Variants in LRMDA observed in about 807,000 individuals in gnomAD.
LRMDA encodes the protein leucine-rich melanocyte differentiation-associated protein.
A neutral mutation model predicts 29.8 loss-of-function variants in LRMDA; 18 were observed. The observed-to-expected ratio is 0.60, with a 90% CI of 0.42 to 0.90. The LOEUF is 0.90. Ranked by LOEUF, LRMDA falls within the 40% of genes least tolerant of loss-of-function variation. The pLI, the probability that LRMDA is intolerant of heterozygous loss-of-function variation, is 0.00. For synonymous variants in LRMDA, 125 were observed against 109.4 expected, an observed-to-expected ratio of 1.14 and a Z score of -0.89; for missense variants, 273 against 273.9, an observed-to-expected ratio of 1.00 and a Z score of 0.02.
At chr10:76,437,080 G>A (rs1842252340) in intron 6 of LRMDA, among the ~76,000 whole-genome samples, 1 of 152,056 alleles carries the variant, frequency 6.6e-6, no homozygotes, top group African/African-American at 2.4e-5. Flanking sequence ...CATAGCAATG[G>A]GCTCATTGCT....
At chr10:75,852,133 C>T (rs1406326733) in intron 2 of LRMDA, among the ~76,000 whole-genome samples, 1 of 152,216 alleles carries the variant, frequency 6.6e-6, no homozygotes, top group Non-Finnish European at 1.5e-5. Flanking sequence ...CAAAAAAAGG[C>T]TGGCAGTAGG....
chr10:75,890,767 A>G (rs2096399394), intron 2 of LRMDA, among the ~76,000 whole-genome samples: 1 of 152,190 alleles, frequency 6.6e-6, no homozygotes, highest in Non-Finnish European at 1.5e-5. Flanking sequence ...TGCACATGGC[A>G]TGCTTGGCCC....
intron 5 of LRMDA, among the ~76,000 whole-genome samples, chr10:76,190,764 T>A (rs1004133725): frequency 7.2e-5 from 11 of 152,186 alleles, no homozygotes; most frequent in African/African-American, 2.7e-4. Flanking sequence ...ACAGGTGACC[T>A]CTATTTGGAA....
chr10:75,956,102 C>T (rs1189431041), intron 2 of LRMDA, among the ~76,000 whole-genome samples: 9 of 152,176 alleles, frequency 5.9e-5, no homozygotes, highest in Admixed American at 5.9e-4. Flanking sequence ...ATTGTCAGGA[C>T]TGCAGTCACC....
intron 5 of LRMDA, among the ~76,000 whole-genome samples, chr10:76,239,698 A>T (rs887542094): frequency 2.6e-5 from 4 of 152,158 alleles, no homozygotes; most frequent in Admixed American, 2.6e-4. Context: ...TTGCCATGCC[A>T]TCTAACTTGT....
intron 6 of LRMDA, among the ~76,000 whole-genome samples, chr10:76,383,700 G>C (rs1841624201): frequency 6.6e-6 from 1 of 151,870 alleles, no homozygotes; most frequent in South Asian, 2.1e-4. Context: ...AAAGTGCTGG[G>C]ATTACAGGCG....
At chr10:76,342,288 A>C (rs1564729463) in intron 6 of LRMDA, among the ~76,000 whole-genome samples, 1 of 152,158 alleles carries the variant, frequency 6.6e-6, no homozygotes, top group Non-Finnish European at 1.5e-5. Context: ...AACAAACAAA[A>C]AAAAGATAAC....
At chr10:76,086,362 T>G (rs2132085204) in intron 5 of LRMDA, among the ~76,000 whole-genome samples, 1 of 152,268 alleles carries the variant, frequency 6.6e-6, no homozygotes, top group African/African-American at 2.4e-5. Context: ...AAAGCAGCTG[T>G]GGGCTGGTAA....
At chr10:75,769,995 T>C (rs996462488) in intron 2 of LRMDA, among the ~76,000 whole-genome samples, 3 of 151,754 alleles carry the variant, frequency 2.0e-5, no homozygotes, top group Non-Finnish European at 4.4e-5. Context: ...AAAAAAATTA[T>C]TTTAGGTTGG....
intron 2 of LRMDA, among the ~76,000 whole-genome samples, chr10:75,567,934 A>G (rs2132067914): frequency 6.6e-6 from 1 of 152,340 alleles, no homozygotes; most frequent in Non-Finnish European, 1.5e-5. Flanking sequence ...GTCTTCAAAT[A>G]TCTGTTTGAG....
At chr10:75,897,065 C>T (rs371777782) in intron 2 of LRMDA, among the ~76,000 whole-genome samples, 7 of 152,214 alleles carry the variant, frequency 4.6e-5, no homozygotes, top group Middle Eastern at 3.4e-3. Context: ...TAAGGTCTTA[C>T]CGTAGAAAAG....
intron 6 of LRMDA, among the ~76,000 whole-genome samples, chr10:76,354,522 A>G (rs1589148574): frequency 1.3e-5 from 2 of 152,282 alleles, no homozygotes; most frequent in East Asian, 1.9e-4. Context: ...CCCATAACCC[A>G]TTGCTGAAAT....
At chr10:75,711,414 A>G (rs1217396391) in intron 2 of LRMDA, among the ~76,000 whole-genome samples, 1 of 152,206 alleles carries the variant, frequency 6.6e-6, no homozygotes, top group African/African-American at 2.4e-5. Context: ...GGTACCTCCC[A>G]AATGCTAGGT....
intron 2 of LRMDA, among the ~76,000 whole-genome samples, chr10:75,802,581 G>A (rs2132262609): frequency 6.6e-6 from 1 of 152,110 alleles, no homozygotes; most frequent in East Asian, 1.9e-4. Flanking sequence ...ATCTTTGGTA[G>A]AGTTGCTTTA....
chr10:76,167,964 TTTCAC>T (rs1247257241), intron 5 of LRMDA, among the ~76,000 whole-genome samples: 1 of 152,152 alleles, frequency 6.6e-6, no homozygotes, highest in Non-Finnish European at 1.5e-5. Flanking sequence ...TTTAGAGGTC[TTTCAC>T]TTCCCTGGTT....
intron 6 of LRMDA, among the ~76,000 whole-genome samples, chr10:76,325,126 A>G (rs1226976946): frequency 6.6e-6 from 1 of 152,210 alleles, no homozygotes; most frequent in Non-Finnish European, 1.5e-5. Flanking sequence ...TGTTTCCCCA[A>G]GAAGGAAATT....
chr10:75,541,135 G>A (rs145920983), intron 2 of LRMDA, among the ~76,000 whole-genome samples: 137 of 152,242 alleles, frequency 9.0e-4, no homozygotes, highest in Non-Finnish European at 1.6e-3. Flanking sequence ...CTGGTGGGAC[G>A]GAATTCCCAG....
chr10:76,018,837 A>C (rs1362182132), intron 2 of LRMDA, among the ~76,000 whole-genome samples: 1 of 152,240 alleles, frequency 6.6e-6, no homozygotes, highest in East Asian at 1.9e-4. Flanking sequence ...AATTGCTGGG[A>C]TTATAGGCGT....
intron 5 of LRMDA, among the ~76,000 whole-genome samples, chr10:76,307,886 GCTC>G (rs72321141): frequency 0.25 from 37,634 of 151,910 alleles, 5,610 homozygotes; most frequent in Non-Finnish European, 0.35. Context: ...AAAGCCCCCT[GCTC>G]CTCTTTTTAA....
Sources: gnomAD v4.1 joint callset for allele counts (sites outside exome capture counted in the v4.1 genomes callset) on GRCh38, gnomAD v4.1.1 for gene constraint, MANE v1.5 for transcripts, NCBI Gene and HGNC (gene_info 2026-07-23, HGNC 2026-07-21) for gene names.